The following COTL1 variants were observed in gnomAD, a reference collection of about 807,000 sequenced individuals.
COTL1 encodes coactosin like F-actin binding protein 1.
COTL1 carries 15 observed loss-of-function variants against 16.5 expected under a neutral mutation model. That is an observed-to-expected ratio of 0.91 (90% confidence interval 0.61 to 1.40). The LOEUF (loss-of-function observed/expected upper bound fraction) is 1.40. Ranked by LOEUF, COTL1 falls within the 40% of genes most tolerant of loss-of-function variation. COTL1 has a pLI of 0.00. For missense variants in COTL1, 220 were observed against 201.5 expected, an observed-to-expected ratio of 1.09 and a Z score of -0.56; for synonymous variants, 112 against 85.3, an observed-to-expected ratio of 1.31 and a Z score of -1.73.
chr16:84,617,087 G>A (rs1412861094), intron 2 of COTL1, among the ~76,000 whole-genome samples: 1 of 152,188 alleles, frequency 6.6e-6, no homozygotes, highest in Non-Finnish European at 1.5e-5. Flanking sequence ...GCGGGAGAAA[G>A]GAGGGCGCGG....
chr16:84,616,944 C>T (rs1161163908), intron 2 of COTL1, among the ~76,000 whole-genome samples: 1 of 152,216 alleles, frequency 6.6e-6, no homozygotes, highest in African/African-American at 2.4e-5. Context: ...TCGATTCTGA[C>T]ATTCACACCA....
intron 2 of COTL1, among the ~76,000 whole-genome samples, chr16:84,601,568 T>C (rs978844559): frequency 6.6e-6 from 1 of 152,176 alleles, no homozygotes; most frequent in Non-Finnish European, 1.5e-5. Context: ...GCAGTTCTCC[T>C]GCCTCAGCCT....
At chr16:84,569,906 G>C (rs1023705771) in intron 3 of COTL1, among the ~76,000 whole-genome samples, 2 of 152,238 alleles carry the variant, frequency 1.3e-5, no homozygotes, top group Non-Finnish European at 2.9e-5. Flanking sequence ...CTTTGTGATA[G>C]CTATATATGG....
At position 84,566,879 on chromosome 16, in the gene COTL1, G is replaced by T. The variant is rs769290223; in HGVS notation, c.395C>A (p.Ala132Glu). The change falls in exon 4 of 4, where the codon GCG (alanine) becomes GAG (glutamate). Residue 132 changes from alanine to glutamate, a missense_variant. By Grantham distance (107) the Ala-to-Glu change is moderately radical. Coordinates refer to ENST00000262428, the MANE Select transcript of COTL1 (RefSeq NM_021149.5). ...CTGGGCGTCGTAATTGGCTCCCCCCGCCTTCTTCAGCTCGCTCTTGATGAA... is the reference window on the plus strand; with the variant it reads ...CTGGGCGTCGTAATTGGCTCCCCCCTCCTTCTTCAGCTCGCTCTTGATGAA... ...EDFIKSELKK[A>E]GGANYDAQTE is the part of the protein sequence containing the mutation. The T allele has an allele frequency of 6.2e-6, 10 of 1,611,996 alleles. No homozygotes were observed. Among genetic ancestry groups the T allele is most frequent in the Admixed American group, 1.7e-5 (1 of 59,976 alleles).
At chr16:84,570,431 C>T (rs1304505724) in intron 3 of COTL1, among the ~76,000 whole-genome samples, 1 of 150,290 alleles carries the variant, frequency 6.7e-6, no homozygotes, top group Non-Finnish European at 1.5e-5. Context: ...TAAAACATAA[C>T]AATAAATGTA....
chr16:84,611,823 T>G (rs961838382), intron 2 of COTL1, among the ~76,000 whole-genome samples: 1 of 152,170 alleles, frequency 6.6e-6, no homozygotes, highest in African/African-American at 2.4e-5. Context: ...AAACAAAATG[T>G]GATTTCACAG....
At chr16:84,573,721 C>A (rs962907278) in intron 3 of COTL1, among the ~76,000 whole-genome samples, 1 of 140,692 alleles carries the variant, frequency 7.1e-6, no homozygotes. Flanking sequence ...GCCTGGGTGA[C>A]AAGAGCGAAA....
chr16:84,568,449 T>C (rs1904308185), intron 3 of COTL1: 1 of 152,010 alleles, frequency 6.6e-6, no homozygotes, highest in Non-Finnish European at 1.5e-5. Flanking sequence ...GTCCACACAA[T>C]GGAATATTCC....
intron 3 of COTL1, among the ~76,000 whole-genome samples, chr16:84,578,603 A>T (rs1904504374): frequency 6.6e-6 from 1 of 151,784 alleles, no homozygotes. Flanking sequence ...GCACACAAAC[A>T]CAGATATGCA....
chr16:84,582,433 G>A (rs1157601431), intron 3 of COTL1, among the ~76,000 whole-genome samples: 1 of 152,152 alleles, frequency 6.6e-6, no homozygotes, highest in Non-Finnish European at 1.5e-5. Flanking sequence ...CATAAGCCAT[G>A]GCGCCCGGCC....
chr16:84,612,073 C>T (rs16974279), intron 2 of COTL1, among the ~76,000 whole-genome samples: 1,739 of 152,224 alleles, frequency 0.011, 52 homozygotes, highest in East Asian at 0.087. Flanking sequence ...TGCTCTTGAA[C>T]GCTACTTCCA....
rs1597175850 is a variant in COTL1, at chr16:84,590,416, G to A, written c.161-154C>T. On this transcript the variant is annotated intron_variant, in intron 2 of 3. Transcript: ENST00000262428. The surrounding 1 kb of genome is among the most constrained non-coding windows in gnomAD (Gnocchi z 5.5). Reference sequence around the variant, plus strand: ...GAGCACCATGTGCAGAGGACAGGAGGGAAGCACTCATCCGCTGCCCTTGTC... The same window carrying A: ...GAGCACCATGTGCAGAGGACAGGAGAGAAGCACTCATCCGCTGCCCTTGTC... 3 of 756,030 alleles carry A rather than the reference G, an allele frequency of 4.0e-6. No homozygotes were observed. Among genetic ancestry groups the A allele is most frequent in the Non-Finnish European group, 6.2e-6 (3 of 486,788 alleles). The allele number at this position is 756,030 out of a possible 1,614,324, so 46.8% of individuals were successfully genotyped here.
chr16:84,591,182 G>GA (rs1267045347), intron 2 of COTL1, among the ~76,000 whole-genome samples: 1 of 136,926 alleles, frequency 7.3e-6, no homozygotes, highest in Admixed American at 8.0e-5. Context: ...TGATATTCTG[G>GA]AATTTTTTTT....
In COTL1 at chr16:84,590,456, C is replaced by T; in HGVS notation, c.161-194G>A. On this transcript the variant is annotated intron_variant, in intron 2 of 3. Coordinates refer to ENST00000262428, the MANE Select transcript of COTL1 (RefSeq NM_021149.5). This position sits in a 1 kb window ranked among gnomAD's most constrained non-coding sequence, Gnocchi z 5.5. ...CTGCCCTTGTCACACTCCCCTGAAT[C>T]CTGGCAACAGTGCTGCAGGCTTCAT... 1 of 539,604 alleles carries T rather than the reference C, an allele frequency of 1.9e-6. No homozygotes were observed. The allele number at this position is 539,604 out of a possible 1,614,324, so 33.4% of individuals were successfully genotyped here.
intron 1 of COTL1, 62 bp from the exon 2 acceptor site, chr16:84,617,645 G>GCCA: frequency 6.6e-7 from 1 of 1,509,288 alleles, no homozygotes; most frequent in Non-Finnish European, 9.0e-7. Flanking sequence ...GCGCGACGCG[G>GCCA]CGCTTGCAGA....
intron 2 of COTL1, among the ~76,000 whole-genome samples, chr16:84,606,584 C>T (rs1450505615): frequency 6.6e-6 from 1 of 152,202 alleles, no homozygotes; most frequent in Non-Finnish European, 1.5e-5. Context: ...CTTTTTGACT[C>T]CTTGTCACCT....
intron 2 of COTL1, among the ~76,000 whole-genome samples, chr16:84,591,340 C>T (rs980233873): frequency 1.3e-4 from 20 of 151,858 alleles, no homozygotes; most frequent in Non-Finnish European, 1.9e-4. Flanking sequence ...CCCACCACCA[C>T]ACCTGGCTAA....
At chr16:84,584,534 C>T (rs984133510) in intron 3 of COTL1, among the ~76,000 whole-genome samples, 1 of 152,142 alleles carries the variant, frequency 6.6e-6, no homozygotes, top group South Asian at 2.1e-4. Context: ...TTGAGGTCAG[C>T]GCTGGCAAGT....
At position 84,566,896 on chromosome 16, in the gene COTL1, C is replaced by G; in HGVS notation, c.378G>C (p.Lys126Asn). Residue 126 changes from lysine to asparagine, a missense_variant, in exon 4 of 4, where the codon AAG becomes AAC. Transcript: ENST00000262428. ...CTCCCCCCGCCTTCTTCAGCTCGCT[C>G]TTGATGAAATCTTCCTCCAGCTCCT... is the stretch of plus-strand genomic sequence containing the variant. ...DRKELEEDFI[K>N]SELKKAGGAN... 6.2e-7 allele frequency: 1 copy of G among 1,614,106 alleles called. No individual in the cohort carries two copies.
Sources: gnomAD v4.1 joint callset for allele counts (sites outside exome capture counted in the v4.1 genomes callset) on GRCh38, gnomAD v4.1.1 for gene constraint, Gnocchi (gnomAD v3.1) non-coding constraint, MANE v1.5 for transcripts, NCBI Gene and HGNC (gene_info 2026-07-23, HGNC 2026-07-21) for gene names.